The following DGKI variants were observed in gnomAD, a reference collection of about 807,000 sequenced individuals.
DGKI encodes diacylglycerol kinase iota.
DGKI carries 55 observed loss-of-function variants against 147.5 expected under a neutral mutation model. The ratio of observed to expected loss-of-function variants is 0.37; its 90% confidence interval spans 0.30 to 0.47. DGKI has a LOEUF of 0.47. DGKI is among the 20% of genes least tolerant of loss of function. The pLI is 1.00. For missense variants in DGKI, 1,007 were observed against 1,323.8 expected (o/e 0.76, Z 3.71); for synonymous variants, 469 against 477.1 (o/e 0.98, Z 0.22).
chr7:137,753,351 A>C (rs1795570960), intron 1 of DGKI, among the ~76,000 whole-genome samples: 1 of 152,214 alleles, frequency 6.6e-6, no homozygotes, highest in South Asian at 2.1e-4. Flanking sequence ...AGACAGTATT[A>C]AACTCAGCCG....
At chr7:137,685,591 C>T (rs983885036) in intron 2 of DGKI, among the ~76,000 whole-genome samples, 1 of 152,246 alleles carries the variant, frequency 6.6e-6, no homozygotes, top group East Asian at 1.9e-4. Flanking sequence ...GGAATCCATC[C>T]CAGGAGATGA....
chr7:137,644,676 T>C (rs1416905845), intron 6 of DGKI, among the ~76,000 whole-genome samples: 1 of 152,130 alleles, frequency 6.6e-6, no homozygotes, highest in African/African-American at 2.4e-5. Flanking sequence ...AATCAAAACT[T>C]CCCTTTACTG....
rs184104948 is a variant in DGKI, at chr7:137,655,868, A to G, written c.681+598T>C. ...GAAAGAGGATGGCAGGCAACTCACT[A>G]TTGGAGCCTTTCCCATCCCCTAAAT... On this transcript the variant is annotated intron_variant, in intron 4 of 32. Transcript: ENST00000614521. Among the ~76,000 whole-genome samples, 3 of 152,318 alleles carry G rather than the reference A, an allele frequency of 2.0e-5. No homozygotes were observed. The East Asian group carries it at 5.8e-4, about 29-fold the overall frequency.
At chr7:137,573,835 C>A (rs1231851261) in intron 17 of DGKI, among the ~76,000 whole-genome samples, 1 of 152,236 alleles carries the variant, frequency 6.6e-6, no homozygotes, top group Admixed American at 6.5e-5. Context: ...GCGCTTTCTG[C>A]AAGGGTATCA....
chr7:137,811,379 C>T lies in DGKI; in HGVS notation c.401+35083G>A, dbSNP rs1797570058. Reference sequence around the variant, plus strand: ...TCTCTCTCTCCCTCTCTCTCTCTCTCTCTCTCACACACACACACACACACA... The same window carrying T: ...TCTCTCTCTCCCTCTCTCTCTCTCTTTCTCTCACACACACACACACACACA... On this transcript the variant is annotated intron_variant, in intron 1 of 32. Transcript: ENST00000614521. Among the ~76,000 whole-genome samples the T allele has an allele frequency of 6.9e-5, 7 of 101,696 alleles. No individual in the cohort carries two copies. The South Asian group carries it at 2.1e-3, about 30-fold the overall frequency. The allele number at this position is 101,696 out of a possible 152,430, so 66.7% of individuals were successfully genotyped here. A position where few individuals can be genotyped will look rare whatever the true frequency, so the allele number is the denominator to read the frequency against.
At chr7:137,446,040 G>A (rs1268733248) in intron 27 of DGKI, among the ~76,000 whole-genome samples, 2 of 152,200 alleles carry the variant, frequency 1.3e-5, no homozygotes, top group Non-Finnish European at 2.9e-5. Flanking sequence ...GGTGTTTGCT[G>A]ATGAGAAGTA....
chr7:137,586,983 A>G, intron 13 of DGKI, 114 bp downstream of exon 13: 1 of 753,630 alleles, frequency 1.3e-6, no homozygotes. Context: ...TCTCAACTCT[A>G]ACTTATGCCT....
intron 29 of DGKI, among the ~76,000 whole-genome samples, chr7:137,411,794 C>G (rs1478566907): frequency 6.6e-6 from 1 of 152,172 alleles, no homozygotes; most frequent in Non-Finnish European, 1.5e-5. Context: ...AAAACCACGA[C>G]AAGGAAAGAT....
intron 21 of DGKI, among the ~76,000 whole-genome samples, chr7:137,518,440 T>G (rs2049679): frequency 0.028 from 4,245 of 152,184 alleles, 89 homozygotes; most frequent in South Asian, 0.072. Flanking sequence ...TACTAGGATT[T>G]TACCCTATTT....
chr7:137,577,558 T>C (rs920620809), intron 16 of DGKI, among the ~76,000 whole-genome samples: 5 of 152,168 alleles, frequency 3.3e-5, no homozygotes, highest in African/African-American at 1.2e-4. Context: ...AAGGTTTATT[T>C]TGACAACCTT....
intron 21 of DGKI, among the ~76,000 whole-genome samples, chr7:137,518,044 T>C (rs989695628): frequency 1.3e-5 from 2 of 152,096 alleles, no homozygotes; most frequent in African/African-American, 2.4e-5. Context: ...GAGTTCTACA[T>C]AGAGGAAGTC....
At chr7:137,776,312 T>C (rs1271734471) in intron 1 of DGKI, among the ~76,000 whole-genome samples, 1 of 152,204 alleles carries the variant, frequency 6.6e-6, no homozygotes, top group Non-Finnish European at 1.5e-5. Context: ...ATTATACCCA[T>C]TAAAAATCAA....
chr7:137,482,366 G>A (rs947247185), intron 23 of DGKI, among the ~76,000 whole-genome samples: 11 of 151,750 alleles, frequency 7.2e-5, no homozygotes, highest in African/African-American at 1.7e-4. Flanking sequence ...CTTGACTCAT[G>A]AATAAACATA....
intron 1 of DGKI, among the ~76,000 whole-genome samples, chr7:137,726,479 G>A (rs752788875): frequency 6.6e-6 from 1 of 152,142 alleles, no homozygotes; most frequent in Non-Finnish European, 1.5e-5. Flanking sequence ...CTGTTAGACC[G>A]AAATTATTAA....
At chr7:137,598,027 T>C (rs548489601) in intron 11 of DGKI, 120 bp from the exon 12 acceptor site, 3 of 806,118 alleles carry the variant, frequency 3.7e-6, no homozygotes, top group Non-Finnish European at 6.1e-6. Context: ...TGTGTAATCA[T>C]GAGGATGACA....
At chr7:137,409,182 A>G (rs1812071801) in intron 29 of DGKI, among the ~76,000 whole-genome samples, 1 of 152,236 alleles carries the variant, frequency 6.6e-6, no homozygotes, top group Non-Finnish European at 1.5e-5. Context: ...TGATCACTGT[A>G]TACGTATCAA....
At chr7:137,523,434 T>TTCTCTCTCTCTC (rs372390366) in intron 20 of DGKI, among the ~76,000 whole-genome samples, 1 of 150,074 alleles carries the variant, frequency 6.7e-6, no homozygotes, top group East Asian at 2.0e-4. Flanking sequence ...CTCTCTCTCT[T>TTCTCTCTCTCTC]TCTCTCTCTC....
chr7:137,508,079 A>G (rs1001821294), intron 21 of DGKI, among the ~76,000 whole-genome samples: 1 of 152,150 alleles, frequency 6.6e-6, no homozygotes, highest in African/African-American at 2.4e-5. Flanking sequence ...TTTGATTTTT[A>G]TACTAAGAAG....
rs775814446 is a variant in DGKI, at chr7:137,846,134, T to TTCTCTCTCTCTCTCTCTCTCTCTCTCTC, written c.401+300_401+327dup. 1.2e-5 allele frequency among the ~76,000 whole-genome samples: 1 copy of TTCTCTCTCTCTCTCTCTCTCTCTCTCTC among 85,370 alleles called. No individual in the cohort carries two copies. The highest frequency in any genetic ancestry group is 1.3e-4 in the Admixed American group (1 of 7,448). 56.0% of individuals were successfully genotyped at this position (85,370 alleles called of 152,430 possible). A position where few individuals can be genotyped will look rare whatever the true frequency, so the allele number is the denominator to read the frequency against. On this transcript the variant is annotated intron_variant, in intron 1 of 32. Transcript: ENST00000614521. The surrounding 1 kb of genome is among the most constrained non-coding windows in gnomAD (Gnocchi z 4.0). ...TCTGCAACCCTTTCTCTCTCTCTCT[T>TTCTCTCTCTCTCTCTCTCTCTCTCTCTC]TCTCTCTCTCTCTCTCTCTCTCTCT... is the stretch of plus-strand genomic sequence containing the variant.
Sources: allele counts gnomAD v4.1 joint callset (sites outside exome capture counted in the v4.1 genomes callset), GRCh38; gene constraint gnomAD v4.1.1; non-coding constraint Gnocchi (gnomAD v3.1); transcripts MANE v1.5; gene names NCBI Gene and HGNC (gene_info 2026-07-23, HGNC 2026-07-21).